METTL24: variants seen among roughly 807,000 people sequenced by gnomAD.
The protein encoded by METTL24 is probable methyltransferase-like protein 24.
Under a neutral mutation model 32.7 loss-of-function variants are expected in METTL24, and 29 were observed. That is an observed-to-expected ratio of 0.89 (90% CI 0.66 to 1.21). METTL24 has a LOEUF of 1.21. Ranked by LOEUF, METTL24 falls within the 50% of genes most tolerant of loss-of-function variation. The pLI, the probability that METTL24 is intolerant of heterozygous loss-of-function variation, is 0.00. For synonymous variants in METTL24, 163 were observed against 179.5 expected, an observed-to-expected ratio of 0.91 and a Z score of 0.73; for missense variants, 439 against 468.1, an observed-to-expected ratio of 0.94 and a Z score of 0.57.
intron 4 of METTL24, among the ~76,000 whole-genome samples, chr6:110,263,197 A>G (rs549420360): frequency 6.6e-6 from 1 of 152,336 alleles, no homozygotes; most frequent in South Asian, 2.1e-4. Context: ...TTTGCAGATG[A>G]CATGATTGTA....
chr6:110,274,768 G>A (rs1264576636), intron 4 of METTL24, among the ~76,000 whole-genome samples: 1 of 142,470 alleles, frequency 7.0e-6, no homozygotes, highest in Admixed American at 6.9e-5. Context: ...TTACATTTTG[G>A]TAGCTTTTTT....
intron 4 of METTL24, among the ~76,000 whole-genome samples, chr6:110,264,085 C>A (rs1770807316): frequency 1.3e-5 from 2 of 151,680 alleles, no homozygotes; most frequent in East Asian, 3.9e-4. Flanking sequence ...TCTAAAACAC[C>A]AAAAGCAATG....
chr6:110,252,626 T>G (rs1778302079), intron 4 of METTL24, among the ~76,000 whole-genome samples: 1 of 152,248 alleles, frequency 6.6e-6, no homozygotes, highest in South Asian at 2.1e-4. Context: ...ATCCTTTTAC[T>G]ATTATGGCAG....
chr6:110,251,146 T>G (rs1297852086), intron 4 of METTL24, among the ~76,000 whole-genome samples: 2 of 152,260 alleles, frequency 1.3e-5, no homozygotes, highest in East Asian at 3.9e-4. Flanking sequence ...TGAAATAGAC[T>G]CCAGCCCTTG....
chr6:110,305,057 C>G (rs1771603890), intron 3 of METTL24, among the ~76,000 whole-genome samples: 1 of 152,082 alleles, frequency 6.6e-6, no homozygotes, highest in Non-Finnish European at 1.5e-5. Context: ...TCCAGCCAAA[C>G]TAAGCTTCAT....
chr6:110,277,655 A>T (rs1295840578), intron 4 of METTL24, among the ~76,000 whole-genome samples: 1 of 152,162 alleles, frequency 6.6e-6, no homozygotes, highest in Non-Finnish European at 1.5e-5. Flanking sequence ...AGAAATCTAA[A>T]GTTCCTTTAA....
At chr6:110,261,034 A>G (rs1019670687) in intron 4 of METTL24, among the ~76,000 whole-genome samples, 12 of 152,186 alleles carry the variant, frequency 7.9e-5, no homozygotes, top group Admixed American at 7.9e-4. Context: ...AAAGACCATC[A>G]AGGCTAGGAA....
At chr6:110,300,286 A>G (rs2114733007) in intron 3 of METTL24, among the ~76,000 whole-genome samples, 1 of 152,234 alleles carries the variant, frequency 6.6e-6, no homozygotes, top group South Asian at 2.1e-4. Context: ...CCTAGAACCA[A>G]CCGCCAACCC....
In METTL24 at chr6:110,246,216, A is replaced by C. The variant is rs901816459; in HGVS notation, c.831T>G (p.Val277=). ...KADLESAEWK[V]LENLILEDVL... is the part of the protein sequence containing the mutation. ...CATCTTCCAGAATAAGATTTTCCAA[A>C]ACTTTCCATTCTGCACTTTCCAGAT... The change falls in exon 5 of 5, where the codon GTT becomes GTG. Residue 277 remains valine, a synonymous_variant. Coordinates refer to ENST00000338882, the MANE Select transcript of METTL24 (RefSeq NM_001123364.3). 6.2e-7 allele frequency: 1 copy of C among 1,614,028 alleles called. No homozygotes were observed. The highest frequency in any genetic ancestry group is 1.7e-5 in the Admixed American group (1 of 60,006).
chr6:110,282,840 T>C (rs953589466), intron 4 of METTL24, among the ~76,000 whole-genome samples: 1 of 152,202 alleles, frequency 6.6e-6, no homozygotes, highest in African/African-American at 2.4e-5. Flanking sequence ...GTGGCCAGCC[T>C]CTTTCTTTGC....
chr6:110,301,793 T>C (rs1044145061), intron 3 of METTL24, among the ~76,000 whole-genome samples: 10 of 152,142 alleles, frequency 6.6e-5, no homozygotes, highest in African/African-American at 2.4e-4. Flanking sequence ...AAATATAAAT[T>C]CAAGAGTTGC....
intron 1 of METTL24, among the ~76,000 whole-genome samples, chr6:110,347,918 T>G (rs1772511276): frequency 6.6e-6 from 1 of 152,238 alleles, no homozygotes; most frequent in Non-Finnish European, 1.5e-5. Context: ...TGGCTAGCTT[T>G]TATTTCAGAT....
At chr6:110,297,214 C>A (rs879656589) in intron 4 of METTL24, among the ~76,000 whole-genome samples, 2 of 152,182 alleles carry the variant, frequency 1.3e-5, no homozygotes, top group African/African-American at 4.8e-5. Context: ...ATCTCAGGAG[C>A]AGCATTGCAA....
At chr6:110,316,466 T>C (rs1311465224) in intron 2 of METTL24, among the ~76,000 whole-genome samples, 1 of 152,206 alleles carries the variant, frequency 6.6e-6, no homozygotes, top group Non-Finnish European at 1.5e-5. Context: ...CTCATAGTCA[T>C]CATGATGCTC....
intron 1 of METTL24, among the ~76,000 whole-genome samples, chr6:110,331,461 C>T (rs1346616326): frequency 6.6e-6 from 1 of 151,988 alleles, no homozygotes; most frequent in Non-Finnish European, 1.5e-5. Flanking sequence ...GAGTTCAAGG[C>T]CAGCCTGGGC....
chr6:110,309,638 A>T (rs531628551), intron 3 of METTL24, among the ~76,000 whole-genome samples: 1 of 152,290 alleles, frequency 6.6e-6, no homozygotes, highest in Non-Finnish European at 1.5e-5. Context: ...AGGCAAAAAA[A>T]GGTTGTGCAG....
chr6:110,324,634 G>GACTGGGGA, intron 1 of METTL24, among the ~76,000 whole-genome samples: 1 of 152,298 alleles, frequency 6.6e-6, no homozygotes, highest in Non-Finnish European at 1.5e-5. Flanking sequence ...AGTCTTCCCT[G>GACTGGGGA]AGGGACACCT....
intron 4 of METTL24, among the ~76,000 whole-genome samples, chr6:110,272,581 C>T (rs1301186026): frequency 6.6e-6 from 1 of 152,154 alleles, no homozygotes; most frequent in African/African-American, 2.4e-5. Context: ...TGTACATTTC[C>T]ACTAGCAGTG....
At chr6:110,249,308 A>C (rs1584100619) in intron 4 of METTL24, among the ~76,000 whole-genome samples, 1 of 152,020 alleles carries the variant, frequency 6.6e-6, no homozygotes, top group South Asian at 2.1e-4. Context: ...ATAAAATGCT[A>C]ATCTATTCTA....
Sources: gnomAD v4.1 joint callset for allele counts (sites outside exome capture counted in the v4.1 genomes callset) on GRCh38, gnomAD v4.1.1 for gene constraint, MANE v1.5 for transcripts, NCBI Gene and HGNC (gene_info 2026-07-23, HGNC 2026-07-21) for gene names.